Variants in IDH1 observed in about 807,000 individuals in gnomAD.
IDH1 encodes isocitrate dehydrogenase [NADP] cytoplasmic.
Under a neutral mutation model 46.1 loss-of-function variants are expected in IDH1, and 33 were observed. The ratio of observed to expected loss-of-function variants is 0.72; its 90% CI spans 0.54 to 0.96. IDH1 has a LOEUF of 0.96. IDH1 is among the 40% of genes least tolerant of loss of function. The pLI is 0.00. For missense variants in IDH1, 421 were observed against 515.7 expected (o/e 0.82, Z 1.78); for synonymous variants, 144 against 172.8 (o/e 0.83, Z 1.31).
At chr2:208,242,230 C>A in intron 6 of IDH1, 85 bp from the exon 7 acceptor site, 1 of 1,247,820 alleles carries the variant, frequency 8.0e-7, no homozygotes, top group South Asian at 1.2e-5. Flanking sequence ...AACAGAAGAC[C>A]GGACACACAA....
At chr2:208,243,275 T>A in intron 6 of IDH1, 152 bp downstream of exon 6, 24 of 622,514 alleles carry the variant, frequency 3.9e-5, no homozygotes, top group African/African-American at 5.6e-5. Flanking sequence ...GTTTCACTCC[T>A]GCTAAACCTC....
chr2:208,242,909 C>G (rs113593983), intron 6 of IDH1, among the ~76,000 whole-genome samples: 9,061 of 151,976 alleles, frequency 0.06, 338 homozygotes, highest in African/African-American at 0.081. Flanking sequence ...GGACTAGAGG[C>G]GCCCGCCACC....
intron 9 of IDH1, among the ~76,000 whole-genome samples, chr2:208,238,030 C>G: frequency 6.6e-6 from 1 of 151,394 alleles, no homozygotes; most frequent in Non-Finnish European, 1.5e-5. Context: ...CCATTTTGAA[C>G]ACTGCAATCT....
chr2:208,237,764 C>CAAAAAAAAAAA (rs11433971), intron 9 of IDH1, among the ~76,000 whole-genome samples: 3 of 97,610 alleles, frequency 3.1e-5, no homozygotes, highest in Non-Finnish European at 6.2e-5. Flanking sequence ...ACTAAAAATA[C>CAAAAAAAAAAA]AAAAAAAAAA....
intron 3 of IDH1, among the ~76,000 whole-genome samples, chr2:208,251,042 T>C (rs557887986): frequency 9.8e-4 from 150 of 152,336 alleles, no homozygotes; most frequent in African/African-American, 2.9e-3. Context: ...CTGAAAATCA[T>C]TCTTTCCCTT....
intron 7 of IDH1, 100 bp from the exon 8 acceptor site, chr2:208,240,103 G>T: frequency 2.3e-5 from 28 of 1,238,492 alleles, no homozygotes; most frequent in Non-Finnish European, 3.3e-5. Flanking sequence ...ATAGGTCTTG[G>T]TAAGCAAAGT....
chr2:208,239,499 CTT>C (rs1687878046), intron 8 of IDH1, among the ~76,000 whole-genome samples: 1 of 152,186 alleles, frequency 6.6e-6, no homozygotes, highest in Non-Finnish European at 1.5e-5. Flanking sequence ...TCTTCTATCT[CTT>C]GTCTATATTG....
chr2:208,236,881 T>C lies in IDH1; in HGVS notation c.*198A>G. 1.8e-6 allele frequency: 1 copy of C among 556,162 alleles called. No homozygotes were observed. Among genetic ancestry groups the C allele is most frequent in the Non-Finnish European group, 3.2e-6 (1 of 316,152 alleles). 34.5% of individuals were successfully genotyped at this position (556,162 alleles called of 1,614,324 possible). On this transcript the variant is annotated 3_prime_UTR_variant, in exon 10 of 10. Transcript: ENST00000345146. ...AAATAAAATAAAAATTGTAAAAAAGTCCCTTGCCATGTTCACAAAGGTGGC... is the reference window on the plus strand; with the variant it reads ...AAATAAAATAAAAATTGTAAAAAAGCCCCTTGCCATGTTCACAAAGGTGGC...
chr2:208,251,658 T>A (rs975183188), intron 2 of IDH1, 91 bp from the exon 3 acceptor site: 4 of 1,012,710 alleles, frequency 3.9e-6, no homozygotes, highest in Non-Finnish European at 6.0e-6. Flanking sequence ...AACAACGTAG[T>A]GACTACTAAA....
intron 7 of IDH1, among the ~76,000 whole-genome samples, 153 bp downstream of exon 7, chr2:208,241,841 G>T (rs1687924931): frequency 6.6e-6 from 1 of 152,132 alleles, no homozygotes; most frequent in Admixed American, 6.5e-5. Flanking sequence ...TCTCTAGTCT[G>T]AGCTTAATTT....
chr2:208,253,619 C>A (rs1282057001), intron 2 of IDH1, among the ~76,000 whole-genome samples: 3 of 152,168 alleles, frequency 2.0e-5, no homozygotes, highest in Non-Finnish European at 4.4e-5. Flanking sequence ...AAAAAAGAGC[C>A]ATTTAATATT....
chr2:208,239,021 T>C, intron 9 of IDH1, 50 bp downstream of exon 9: 1 of 1,501,558 alleles, frequency 6.7e-7, no homozygotes, highest in South Asian at 1.1e-5. Flanking sequence ...CTGAGCCCAG[T>C]GAGGATAAGT....
At chr2:208,244,035 T>C (rs1401493399) in intron 5 of IDH1, among the ~76,000 whole-genome samples, 2 of 152,340 alleles carry the variant, frequency 1.3e-5, no homozygotes, top group East Asian at 3.9e-4. Context: ...GGGAGGAGAT[T>C]GGAACATGGG....
rs1439688831 is a variant in IDH1 at position 208,243,548 on chromosome 2, C to T, written c.577G>A (p.Ala193Thr). 6.2e-7 allele frequency: 1 copy of T among 1,613,800 alleles called. No individual in the cohort carries two copies. Among genetic ancestry groups the T allele is most frequent in the African/African-American group, 1.3e-5 (1 of 74,900 alleles). ...YNQDKSIEDF[A>T]HSSFQMALSK... ...AGAGCCATTTGGAAGGAACTGTGTG[C>T]AAAATCTTCAATTGACTTATCTTGA... Residue 193 changes from alanine (A) to threonine (T), a missense_variant, in exon 6 of 10, where the codon GCA (alanine) becomes ACA (threonine). By Grantham distance (58) the Ala-to-Thr change is moderately conservative. Coordinates refer to ENST00000345146, the MANE Select transcript of IDH1 (RefSeq NM_005896.4).
At chr2:208,249,266 T>G (rs1014009692) in intron 3 of IDH1, among the ~76,000 whole-genome samples, 11 of 151,988 alleles carry the variant, frequency 7.2e-5, no homozygotes, top group African/African-American at 2.4e-4. Flanking sequence ...CTTGGCTCAC[T>G]CAACCTCTGC....
intron 9 of IDH1, among the ~76,000 whole-genome samples, chr2:208,237,407 T>G (rs1687831716): frequency 6.6e-6 from 1 of 151,968 alleles, no homozygotes; most frequent in Non-Finnish European, 1.5e-5. Flanking sequence ...CCATACATAC[T>G]CAGTTAGGTT....
intron 3 of IDH1, 139 bp from the exon 4 acceptor site, chr2:208,248,799 T>G: frequency 1.4e-6 from 1 of 735,696 alleles, no homozygotes. Context: ...GTTTTAGCAC[T>G]GGCACACCCT....
chr2:208,250,961 A>G (rs943449165), intron 3 of IDH1, among the ~76,000 whole-genome samples: 1 of 152,226 alleles, frequency 6.6e-6, no homozygotes, highest in Admixed American at 6.5e-5. Context: ...TTTTCTCAAT[A>G]CATTGTACTA....
At chr2:208,246,182 C>G (rs1169793571) in intron 4 of IDH1, among the ~76,000 whole-genome samples, 1 of 152,092 alleles carries the variant, frequency 6.6e-6, no homozygotes, top group Non-Finnish European at 1.5e-5. Flanking sequence ...AAGGGCTGTT[C>G]AAGGACAGGC....
Sources: gnomAD v4.1 joint callset for allele counts (sites outside exome capture counted in the v4.1 genomes callset) on GRCh38, gnomAD v4.1.1 for gene constraint, MANE v1.5 for transcripts, NCBI Gene and HGNC (gene_info 2026-07-23, HGNC 2026-07-21) for gene names.